EXT2: variants seen among roughly 807,000 people sequenced by gnomAD.
EXT2 encodes the protein exostosin glycosyltransferase 2, also known as exostosin-2.
A neutral mutation model predicts 81.6 loss-of-function variants in EXT2; 53 were observed. That is an observed-to-expected ratio of 0.65 (90% CI 0.52 to 0.82). EXT2 has a LOEUF of 0.82. Among genes scored for constraint, EXT2 ranks in the 40% least tolerant of loss-of-function variants. The pLI, the probability that EXT2 is intolerant of heterozygous loss-of-function variation, is 0.00. For synonymous variants in EXT2, 320 were observed against 340.0 expected (o/e 0.94, Z 0.65); for missense variants, 774 against 910.2 (o/e 0.85, Z 1.93).
chr11:44,232,284 T>G, intron 10 of EXT2, 69 bp from the exon 11 acceptor site: 1 of 1,604,628 alleles, frequency 6.2e-7, no homozygotes, highest in Non-Finnish European at 8.5e-7. Context: ...GATACCTGTT[T>G]GGATAACTCA....
Position 44,107,901 on chromosome 11 carries a change from C to T in EXT2, c.189C>T (p.Ile63=). The change falls in exon 2 of 14, where the codon ATC becomes ATT. Residue 63 remains isoleucine (I), a synonymous_variant. Coordinates refer to ENST00000533608, the MANE Select transcript of EXT2 (RefSeq NM_207122.2). ...ACTGGAATGTAGAGAAGCGCAGCAT[C>T]CGTGATGTGCCGGTTGTTAGGCTGC... ...SNDWNVEKRS[I]RDVPVVRLPA... The T allele has an allele frequency of 6.2e-7, 1 of 1,614,200 alleles. No homozygotes were observed. Among genetic ancestry groups the T allele is most frequent in the Non-Finnish European group, 8.5e-7 (1 of 1,180,046 alleles).
chr11:44,144,183 T>G (rs971583081), intron 7 of EXT2: 15 of 1,424,344 alleles, frequency 1.1e-5, no homozygotes, highest in Non-Finnish European at 1.5e-5. Flanking sequence ...TGACCCAAGT[T>G]GTGCTCTTAT....
intron 8 of EXT2, among the ~76,000 whole-genome samples, chr11:44,179,929 T>C (rs536549867): frequency 6.6e-6 from 1 of 152,360 alleles, no homozygotes; most frequent in Non-Finnish European, 1.5e-5. Context: ...TATTTGAGTG[T>C]AAATTTCTAA....
At chr11:44,171,922 A>C in intron 8 of EXT2, 180 bp downstream of exon 8, 1 of 845,670 alleles carries the variant, frequency 1.2e-6, no homozygotes, top group Non-Finnish European at 1.9e-6. Context: ...CAAAAGTAAA[A>C]AATACGGAAG....
At chr11:44,107,256 C>G (rs886959455) in intron 1 of EXT2, among the ~76,000 whole-genome samples, 13 of 151,910 alleles carry the variant, frequency 8.6e-5, no homozygotes, top group Non-Finnish European at 1.3e-4. Flanking sequence ...TCCAAAGTCC[C>G]TTTTTGTTAT....
rs367946456 is a variant in EXT2 at position 44,197,977 on chromosome 11, T to C, written c.1454T>C (p.Leu485Pro). 6 of 1,614,010 alleles carry C rather than the reference T, an allele frequency of 3.7e-6. No individual in the cohort carries two copies. The African/African-American group carries it at 6.7e-5, about 18-fold the overall frequency. Residue 485 changes from leucine (L) to proline (P), a missense_variant, in exon 9 of 14, where the codon CTA (leucine) becomes CCA (proline). Physicochemically the swap from Leu to Pro is moderately conservative, Grantham distance 98. This residue lies in a region of EXT2 where 626 missense variants were observed against 670.5 expected (regional missense o/e 0.93). Coordinates refer to ENST00000533608, the MANE Select transcript of EXT2 (RefSeq NM_207122.2). ...TCCAAGGTGCCCAGTCTATCCAAACTACTTGTCGTCTGGAATAATCAGAAT... is the reference window on the plus strand; with the variant it reads ...TCCAAGGTGCCCAGTCTATCCAAACCACTTGTCGTCTGGAATAATCAGAAT... ...EVSKVPSLSK[L>P]LVVWNNQNKN...
intron 13 of EXT2, among the ~76,000 whole-genome samples, chr11:44,241,467 A>G (rs1216249700): frequency 6.6e-6 from 1 of 152,160 alleles, no homozygotes; most frequent in Non-Finnish European, 1.5e-5. Context: ...ACAAATATTT[A>G]TTGAGCATCT....
At chr11:44,200,756 T>G (rs1428586498) in intron 9 of EXT2, among the ~76,000 whole-genome samples, 1 of 152,158 alleles carries the variant, frequency 6.6e-6, no homozygotes, top group Non-Finnish European at 1.5e-5. Context: ...ATCTGATAAT[T>G]TATTTTGTGA....
In EXT2 at chr11:44,152,532, G is replaced by A. The variant is rs977751324; in HGVS notation, c.1174-19079G>A. On this transcript the variant is annotated intron_variant, in intron 7 of 13. Transcript: ENST00000533608. ...CACCCGGCTAATCTTTGTATTTTTA[G>A]TAGAGACGGGTTTTCATCATGTTGG... Among the ~76,000 whole-genome samples, 5 of 152,066 alleles carry A rather than the reference G, an allele frequency of 3.3e-5. No homozygotes were observed. The East Asian group carries it at 9.7e-4, about 29-fold the overall frequency.
At chr11:44,196,869 C>A (rs1478970163) in intron 8 of EXT2, among the ~76,000 whole-genome samples, 3 of 152,124 alleles carry the variant, frequency 2.0e-5, no homozygotes, top group Non-Finnish European at 4.4e-5. Flanking sequence ...GCTGAAGATG[C>A]TCTTGAAATG....
At chr11:44,226,881 G>A (rs1166670779) in intron 10 of EXT2, among the ~76,000 whole-genome samples, 11 of 152,254 alleles carry the variant, frequency 7.2e-5, no homozygotes, top group Admixed American at 7.2e-4. Flanking sequence ...CAGGCAGTGT[G>A]TGCAAGGAAG....
chr11:44,223,898 G>A (rs185406438), intron 10 of EXT2, among the ~76,000 whole-genome samples: 80 of 152,170 alleles, frequency 5.3e-4, no homozygotes, highest in African/African-American at 1.7e-3. Flanking sequence ...TGATCCACCC[G>A]CCTCGGCCTT....
At chr11:44,115,764 C>G (rs1444591857) in intron 4 of EXT2, 1 of 152,228 alleles carries the variant, frequency 6.6e-6, no homozygotes. Context: ...GAAGACATCT[C>G]TCTCCTGTTT....
In EXT2 at chr11:44,250,129, G is replaced by A. The variant is rs567231979; in HGVS notation, c.*5842G>A. Among the ~76,000 whole-genome samples the A allele has an allele frequency of 2.6e-5, 4 of 152,216 alleles. No individual in the cohort carries two copies. Among genetic ancestry groups the A allele is most frequent in the Admixed American group, 6.5e-5 (1 of 15,292 alleles). Reference sequence around the variant, plus strand: ...GTAGGCCCAAGAGATATAGCAATTAGAGTTGACTAAGACAGTGTCCCTATC... The same window carrying A: ...GTAGGCCCAAGAGATATAGCAATTAAAGTTGACTAAGACAGTGTCCCTATC... On this transcript the variant is annotated 3_prime_UTR_variant, in exon 14 of 14. Transcript: ENST00000533608.
chr11:44,148,035 C>A (rs1446756593), intron 7 of EXT2, among the ~76,000 whole-genome samples: 2 of 152,084 alleles, frequency 1.3e-5, no homozygotes, highest in African/African-American at 4.8e-5. Context: ...ATCTGTTTCC[C>A]TCCTGTCCTT....
intron 7 of EXT2, chr11:44,144,395 T>G: frequency 7.0e-7 from 1 of 1,427,864 alleles, no homozygotes. Context: ...GTCTCTTTGC[T>G]GAGAAGGCTT....
chr11:44,132,525 A>T (rs1157749330), intron 7 of EXT2, among the ~76,000 whole-genome samples: 1 of 152,170 alleles, frequency 6.6e-6, no homozygotes, highest in African/African-American at 2.4e-5. Flanking sequence ...TCATTTATGA[A>T]ATGAAGGGGT....
intron 7 of EXT2, among the ~76,000 whole-genome samples, chr11:44,136,686 A>C (rs1280254321): frequency 6.6e-6 from 1 of 152,216 alleles, no homozygotes; most frequent in Non-Finnish European, 1.5e-5. Flanking sequence ...TTTAAGAAGT[A>C]TACATAAACT....
intron 4 of EXT2, among the ~76,000 whole-genome samples, chr11:44,122,737 C>A (rs1954337085): frequency 6.6e-6 from 1 of 152,188 alleles, no homozygotes; most frequent in Admixed American, 6.5e-5. Context: ...TGGCCTCTGG[C>A]TCTCACCTAC....
Sources: gnomAD v4.1 joint callset for allele counts (sites outside exome capture counted in the v4.1 genomes callset) on GRCh38, gnomAD v4.1.1 for gene constraint, gnomAD v4.1.1 regional missense constraint, MANE v1.5 for transcripts, NCBI Gene and HGNC (gene_info 2026-07-23, HGNC 2026-07-21) for gene names.